TP63: variants seen among roughly 807,000 people sequenced by gnomAD.
The protein encoded by TP63 is tumor protein 63.
In TP63, 17 loss-of-function variants were observed where a neutral mutation model predicts 82.8. That is an observed-to-expected ratio of 0.21 (90% confidence interval 0.14 to 0.31). The LOEUF is 0.31. TP63 is among the 10% of genes least tolerant of loss of function. The pLI is 1.00. For missense variants in TP63, 648 were observed against 895.3 expected (o/e 0.72, Z 3.52); for synonymous variants, 330 against 321.7 (o/e 1.03, Z -0.28).
At chr3:189,742,424 T>TA (rs1202870274) in intron 3 of TP63, among the ~76,000 whole-genome samples, 11 of 149,810 alleles carry the variant, frequency 7.3e-5, no homozygotes, top group African/African-American at 2.7e-4. Flanking sequence ...TTTTTTTTTT[T>TA]ATTCCTTGTA....
intron 1 of TP63, among the ~76,000 whole-genome samples, chr3:189,701,522 CATAT>C (rs35031313): frequency 0.3 from 41,166 of 136,524 alleles, 5,947 homozygotes; most frequent in Middle Eastern, 0.36. Context: ...GATATATATA[CATAT>C]ATATATATAT....
chr3:189,699,462 G>A (rs747935794), intron 1 of TP63, among the ~76,000 whole-genome samples: 1 of 152,046 alleles, frequency 6.6e-6, no homozygotes, highest in African/African-American at 2.4e-5. Context: ...TCTTGGAGTC[G>A]GAGAGGAACT....
chr3:189,613,904 C>T, the TP63 span, among the ~76,000 whole-genome samples: 2 of 152,186 alleles, frequency 1.3e-5, no homozygotes, highest in Non-Finnish European at 2.9e-5. Flanking sequence ...GCTGTATTTT[C>T]TCAATATCTT....
rs914186008 is a variant in TP63, at chr3:189,814,039, C to T, written c.579+5513C>T. On this transcript the variant is annotated intron_variant, in intron 4 of 13. Transcript: ENST00000264731. The stretch of plus-strand genomic sequence containing the variant: ...GTTTGAAAGGGGAACAGCCAGTTCC[C>T]GGGAGAGTTCCATTGATCCCAGCAT... Among the ~76,000 whole-genome samples the T allele has an allele frequency of 6.6e-5, 10 of 152,288 alleles. No homozygotes were observed. In the East Asian group the frequency reaches 7.7e-4, roughly 12 times the overall value.
intron 3 of TP63, chr3:189,789,716 A>G: frequency 7.5e-7 from 1 of 1,328,592 alleles, no homozygotes; most frequent in South Asian, 1.4e-5. Context: ...GTAGATTCAT[A>G]TTGTAAGGGT....
At chr3:189,881,498 C>G in intron 10 of TP63, 1 of 985,226 alleles carries the variant, frequency 1.0e-6, no homozygotes, top group Non-Finnish European at 1.2e-6. Flanking sequence ...CTTGGTTTAT[C>G]TTGCAGTTTT....
At chr3:189,731,028 T>C (rs570215366) in intron 1 of TP63, among the ~76,000 whole-genome samples, 1 of 151,656 alleles carries the variant, frequency 6.6e-6, no homozygotes, top group Admixed American at 6.6e-5. Context: ...ATGCACAATT[T>C]TTTTTCTTAT....
intron 3 of TP63, among the ~76,000 whole-genome samples, chr3:189,794,983 G>A (rs1008988387): frequency 6.6e-6 from 1 of 151,956 alleles, no homozygotes; most frequent in Non-Finnish European, 1.5e-5. Context: ...AGACAAATTG[G>A]GAACTACTGG....
intron 4 of TP63, among the ~76,000 whole-genome samples, chr3:189,829,648 G>A (rs181324730): frequency 2.0e-5 from 3 of 152,298 alleles, no homozygotes; most frequent in Non-Finnish European, 1.5e-5. Flanking sequence ...AGAGTCTGGC[G>A]AGGACTTAGA....
At chr3:189,811,480 C>T (rs987193180) in intron 4 of TP63, among the ~76,000 whole-genome samples, 1 of 151,994 alleles carries the variant, frequency 6.6e-6, no homozygotes, top group Non-Finnish European at 1.5e-5. Context: ...ATTTCAGGCC[C>T]AGTTCATTTC....
chr3:189,688,991 A>C (rs796311509), intron 1 of TP63, among the ~76,000 whole-genome samples: 4 of 151,544 alleles, frequency 2.6e-5, no homozygotes, highest in African/African-American at 9.7e-5. Context: ...GATTCACAAC[A>C]TGAAGCAGTG....
chr3:189,895,286 T>C lies in TP63; in HGVS notation c.*784T>C, dbSNP rs1306704252. On this transcript the variant is annotated 3_prime_UTR_variant, in exon 14 of 14. Coordinates refer to ENST00000264731, the MANE Select transcript of TP63 (RefSeq NM_003722.5). Reference sequence around the variant, plus strand: ...GTCCTCTTTAGTTTTTGGTTGGGAATGAGGAAAATTCTTAAAAGGCCCATA... The same window carrying C: ...GTCCTCTTTAGTTTTTGGTTGGGAACGAGGAAAATTCTTAAAAGGCCCATA... 2.3e-5 allele frequency: 5 copies of C among 220,890 alleles called. No individual in the cohort carries two copies. The East Asian group carries it at 3.3e-4, about 15-fold the overall frequency. 13.7% of individuals were successfully genotyped at this position (220,890 alleles called of 1,614,324 possible).
intron 5 of TP63, among the ~76,000 whole-genome samples, chr3:189,866,092 C>T (rs1413800896): frequency 6.6e-6 from 1 of 152,104 alleles, no homozygotes; most frequent in East Asian, 1.9e-4. Context: ...AAACTTTACT[C>T]AGTCTCTTTT....
At chr3:189,747,866 T>TCAAA (rs71175307) in intron 3 of TP63, among the ~76,000 whole-genome samples, 151,217 of 152,048 alleles carry the variant, frequency 0.99, 75,212 homozygotes, top group Middle Eastern at 1. Context: ...TAGAGAAGAC[T>TCAAA]CAAAATCAGA....
At chr3:189,712,365 C>T (rs1275457479) in intron 1 of TP63, among the ~76,000 whole-genome samples, 3 of 152,054 alleles carry the variant, frequency 2.0e-5, no homozygotes, top group African/African-American at 7.2e-5. Flanking sequence ...AGTCTTAGTC[C>T]ACTAGGAGTG....
chr3:189,617,919 T>C, the TP63 span, among the ~76,000 whole-genome samples: 1 of 152,228 alleles, frequency 6.6e-6, no homozygotes, highest in Admixed American at 6.5e-5. Flanking sequence ...AATTTATTTA[T>C]TATTTAGCCA....
At chr3:189,834,388 A>G (rs896690112) in intron 4 of TP63, among the ~76,000 whole-genome samples, 2 of 152,130 alleles carry the variant, frequency 1.3e-5, no homozygotes, top group South Asian at 2.1e-4. Context: ...AATTATTAAT[A>G]TGATTTTTGG....
chr3:189,777,728 A>G (rs1028726796), intron 3 of TP63, among the ~76,000 whole-genome samples: 1 of 145,672 alleles, frequency 6.9e-6, no homozygotes, highest in Non-Finnish European at 1.5e-5. Flanking sequence ...ACTATTTCAC[A>G]TGTATTTCAC....
At chr3:189,867,169 G>C (rs911090005) in intron 6 of TP63, among the ~76,000 whole-genome samples, 7 of 152,114 alleles carry the variant, frequency 4.6e-5, no homozygotes, top group Non-Finnish European at 1.0e-4. Context: ...AGCCTAAGAG[G>C]GATCTCTTAG....
Sources: allele counts gnomAD v4.1 joint callset (sites outside exome capture counted in the v4.1 genomes callset), GRCh38; gene constraint gnomAD v4.1.1; transcripts MANE v1.5; gene names NCBI Gene and HGNC (gene_info 2026-07-23, HGNC 2026-07-21).